The following GRIP1 variants were observed in gnomAD, a reference collection of about 807,000 sequenced individuals.
GRIP1 encodes the protein glutamate receptor-interacting protein 1.
Under a neutral mutation model 129.9 loss-of-function variants are expected in GRIP1, and 45 were observed. That is an observed-to-expected ratio of 0.35 (90% confidence interval 0.27 to 0.44). GRIP1 has a LOEUF of 0.44. Among genes scored for constraint, GRIP1 ranks in the 20% least tolerant of loss-of-function variants. The probability of loss-of-function intolerance (pLI) is 1.00; values close to 1 mark genes in which losing one functional copy is unlikely to be tolerated. For missense variants in GRIP1, 1,196 were observed against 1,396.8 expected, an observed-to-expected ratio of 0.86 and a Z score of 2.29; for synonymous variants, 530 against 520.8, an observed-to-expected ratio of 1.02 and a Z score of -0.24.
intron 11 of GRIP1, among the ~76,000 whole-genome samples, chr12:66,454,213 C>G (rs1274226096): frequency 1.3e-5 from 2 of 152,094 alleles, no homozygotes. Flanking sequence ...TTAGGGTGGC[C>G]CTGGTGAGAC....
chr12:66,897,585 A>G (rs778580767), intron 1 of GRIP1, among the ~76,000 whole-genome samples: 1 of 152,180 alleles, frequency 6.6e-6, no homozygotes, highest in Non-Finnish European at 1.5e-5. Context: ...GGCAGTCATG[A>G]TGGTGGCGGA....
intron 7 of GRIP1, among the ~76,000 whole-genome samples, chr12:66,481,016 C>G (rs2059787474): frequency 6.6e-6 from 1 of 152,052 alleles, no homozygotes. Context: ...GACTTCATGA[C>G]TAAAATACCA....
At chr12:66,870,763 G>C (rs1266986715) in intron 1 of GRIP1, among the ~76,000 whole-genome samples, 1 of 152,080 alleles carries the variant, frequency 6.6e-6, no homozygotes, top group Non-Finnish European at 1.5e-5. Flanking sequence ...GATGTAAACT[G>C]TTTGTCAATG....
chr12:66,358,003 C>T (rs1339291972), intron 23 of GRIP1, among the ~76,000 whole-genome samples: 3 of 152,098 alleles, frequency 2.0e-5, no homozygotes, highest in Non-Finnish European at 2.9e-5. Flanking sequence ...AAGCAATTCT[C>T]GTGCCTCGGC....
At chr12:66,975,271 T>C (rs1403864833) in intron 1 of GRIP1, among the ~76,000 whole-genome samples, 1 of 152,206 alleles carries the variant, frequency 6.6e-6, no homozygotes, top group Non-Finnish European at 1.5e-5. Flanking sequence ...GTAAAATGTA[T>C]AGAGCCACAA....
intron 19 of GRIP1, among the ~76,000 whole-genome samples, chr12:66,386,506 C>T (rs1049264954): frequency 7.2e-5 from 11 of 151,920 alleles, no homozygotes; most frequent in South Asian, 4.2e-4. Flanking sequence ...TGGTGGTGGG[C>T]GCCTGTAGTC....
intron 1 of GRIP1, among the ~76,000 whole-genome samples, chr12:66,839,817 G>A (rs1379476615): frequency 6.6e-6 from 1 of 152,214 alleles, no homozygotes; most frequent in East Asian, 1.9e-4. Context: ...CTCTGTGCAA[G>A]GCACTCTGCT....
chr12:66,735,737 A>C (rs891286408), intron 1 of GRIP1, among the ~76,000 whole-genome samples: 1 of 152,132 alleles, frequency 6.6e-6, no homozygotes, highest in African/African-American at 2.4e-5. Flanking sequence ...AAATAGGCCA[A>C]ATAAGCAGGG....
intron 1 of GRIP1, among the ~76,000 whole-genome samples, chr12:66,733,192 A>G (rs2036492972): frequency 6.6e-6 from 1 of 152,128 alleles, no homozygotes; most frequent in African/African-American, 2.4e-5. Context: ...GTGGGAAAAT[A>G]ACAACGTGGA....
intron 11 of GRIP1, among the ~76,000 whole-genome samples, chr12:66,452,417 TC>T (rs1407239469): frequency 2.0e-5 from 3 of 152,232 alleles, no homozygotes; most frequent in Non-Finnish European, 2.9e-5. Context: ...CATGACACCT[TC>T]CTGTTTTAAT....
chr12:67,054,650 G>A (rs905194546), intron 1 of GRIP1, among the ~76,000 whole-genome samples: 2 of 151,972 alleles, frequency 1.3e-5, no homozygotes, highest in African/African-American at 4.8e-5. Context: ...TGTAATCCCA[G>A]GTACTCAAAA....
At chr12:66,899,858 C>T (rs1010835507) in intron 1 of GRIP1, among the ~76,000 whole-genome samples, 1 of 152,158 alleles carries the variant, frequency 6.6e-6, no homozygotes, top group Non-Finnish European at 1.5e-5. Context: ...AAGGGAACAG[C>T]AGAAATAGCT....
chr12:66,406,541 C>T, intron 15 of GRIP1, 113 bp from the exon 16 acceptor site: 2 of 1,061,548 alleles, frequency 1.9e-6, no homozygotes, highest in Non-Finnish European at 2.9e-6. Flanking sequence ...AAAAGAGGTT[C>T]AACTGTTTTT....
upstream of GRIP1, among the ~76,000 whole-genome samples, chr12:67,069,332 C>CGG (rs1592541650): frequency 7.3e-6 from 1 of 136,346 alleles, no homozygotes; most frequent in Non-Finnish European, 1.6e-5. Context: ...GCGGCGGCGG[C>CGG]CGGGCCGGGC....
intron 1 of GRIP1, among the ~76,000 whole-genome samples, chr12:67,056,042 A>AAG (rs1224427837): frequency 6.6e-6 from 1 of 152,196 alleles, no homozygotes; most frequent in East Asian, 1.9e-4. Context: ...CTGAGGATAT[A>AAG]AGGGATTTTG....
At chr12:66,616,562 C>T (rs927953567) in intron 1 of GRIP1, among the ~76,000 whole-genome samples, 1 of 152,040 alleles carries the variant, frequency 6.6e-6, no homozygotes, top group African/African-American at 2.4e-5. Context: ...TCATGACAGG[C>T]CTTATGTATC....
chr12:66,545,062 G>A (rs907369744), intron 2 of GRIP1, among the ~76,000 whole-genome samples: 2 of 151,976 alleles, frequency 1.3e-5, no homozygotes, highest in African/African-American at 4.8e-5. Context: ...AGGGAGCACT[G>A]TACACTCTTT....
At chr12:66,978,469 ACT>A (rs1159845606) in intron 1 of GRIP1, among the ~76,000 whole-genome samples, 1 of 151,830 alleles carries the variant, frequency 6.6e-6, no homozygotes, top group Non-Finnish European at 1.5e-5. Flanking sequence ...TGAAATGACC[ACT>A]CTCTCTCCCT....
intron 7 of GRIP1, among the ~76,000 whole-genome samples, chr12:66,506,461 T>G (rs1294911382): frequency 1.3e-5 from 2 of 152,146 alleles, no homozygotes; most frequent in Admixed American, 6.5e-5. Context: ...ATGATTTCAT[T>G]TATATAAAGT....
Sources: allele counts gnomAD v4.1 joint callset (sites outside exome capture counted in the v4.1 genomes callset), GRCh38; gene constraint gnomAD v4.1.1; transcripts MANE v1.5; gene names NCBI Gene and HGNC (gene_info 2026-07-23, HGNC 2026-07-21).